The following PLEKHD1 variants were observed in gnomAD, a reference collection of about 807,000 sequenced individuals.
PLEKHD1 encodes pleckstrin homology and coiled-coil domain containing D1.
A neutral mutation model predicts 69.2 loss-of-function variants in PLEKHD1; 51 were observed. The ratio of observed to expected loss-of-function variants is 0.74; its 90% CI spans 0.59 to 0.93. The LOEUF (loss-of-function observed/expected upper bound fraction) is 0.93. PLEKHD1 is among the 40% of genes least tolerant of loss of function. The pLI is 0.00. For missense variants in PLEKHD1, 584 were observed against 641.0 expected, an observed-to-expected ratio of 0.91 and a Z score of 0.96; for synonymous variants, 236 against 244.7, an observed-to-expected ratio of 0.96 and a Z score of 0.33.
At chr14:69,501,302 A>C in intron 4 of PLEKHD1, 1 of 368,070 alleles carries the variant, frequency 2.7e-6, no homozygotes, top group Non-Finnish European at 5.0e-6. Flanking sequence ...GATCACAGAA[A>C]TCTCCTGCCA....
At chr14:69,512,391 A>G (rs1883289689) in intron 6 of PLEKHD1, among the ~76,000 whole-genome samples, 3 of 151,018 alleles carry the variant, frequency 2.0e-5, no homozygotes, top group Non-Finnish European at 3.0e-5. Flanking sequence ...AATTTCATTG[A>G]TTTCTGCTCT....
intron 6 of PLEKHD1, among the ~76,000 whole-genome samples, chr14:69,515,913 G>A (rs983900644): frequency 1.3e-5 from 2 of 152,180 alleles, no homozygotes; most frequent in African/African-American, 4.8e-5. Flanking sequence ...ATATTAATCT[G>A]CCTGTCTTTT....
chr14:69,482,777 T>C (rs1882564907), upstream of PLEKHD1, among the ~76,000 whole-genome samples: 1 of 151,810 alleles, frequency 6.6e-6, no homozygotes, highest in Admixed American at 6.6e-5. Flanking sequence ...CTAGCTTTCA[T>C]CTTAGAAAAG....
chr14:69,523,441 G>A (rs1232730673), intron 7 of PLEKHD1, among the ~76,000 whole-genome samples: 2 of 152,030 alleles, frequency 1.3e-5, no homozygotes, highest in African/African-American at 2.4e-5. Flanking sequence ...TTTGAGGAGG[G>A]AAAAACCCAG....
chr14:69,527,527 T>C (rs1883684032), intron 11 of PLEKHD1, among the ~76,000 whole-genome samples, 195 bp downstream of exon 11: 1 of 152,228 alleles, frequency 6.6e-6, no homozygotes, highest in South Asian at 2.1e-4. Context: ...GTTGGATCTG[T>C]GGTGAGAGGA....
the PLEKHD1 span, among the ~76,000 whole-genome samples, chr14:69,475,674 G>C: frequency 2.4e-4 from 37 of 152,132 alleles, no homozygotes; most frequent in African/African-American, 8.7e-4. Context: ...CCGCAAGTGA[G>C]GCTTCCCACA....
intron 6 of PLEKHD1, among the ~76,000 whole-genome samples, chr14:69,521,446 C>T (rs185133046): frequency 6.6e-6 from 1 of 152,094 alleles, no homozygotes; most frequent in Non-Finnish European, 1.5e-5. Context: ...GGGAACAAAG[C>T]CCCCAGGTGA....
chr14:69,514,692 G>A (rs1291258304), intron 6 of PLEKHD1, among the ~76,000 whole-genome samples: 1 of 152,070 alleles, frequency 6.6e-6, no homozygotes, highest in African/African-American at 2.4e-5. Flanking sequence ...AAAAGGAGTT[G>A]TGGTGAATAG....
chr14:69,476,807 A>G, the PLEKHD1 span, among the ~76,000 whole-genome samples: 931 of 152,210 alleles, frequency 6.1e-3, 13 homozygotes, highest in African/African-American at 0.022. Context: ...GGGTATTTGT[A>G]TTAGTCTGTT....
chr14:69,528,625 T>G lies in PLEKHD1; in HGVS notation c.*206T>G. On this transcript the variant is annotated 3_prime_UTR_variant, in exon 13 of 13. Coordinates refer to ENST00000322564, the MANE Select transcript of PLEKHD1 (RefSeq NM_001161498.2). ...CTCATCCTCACCCCACACCCCACCT[T>G]TGGGTCCACACCAGGGCCATGCAGG... 1 of 686,618 alleles carries G rather than the reference T, an allele frequency of 1.5e-6. No individual in the cohort carries two copies. The highest frequency in any genetic ancestry group is 2.4e-6 in the Non-Finnish European group (1 of 419,446). 42.5% of individuals were successfully genotyped at this position (686,618 alleles called of 1,614,324 possible).
intron 6 of PLEKHD1, among the ~76,000 whole-genome samples, chr14:69,507,131 C>G (rs1466604875): frequency 2.6e-5 from 4 of 152,074 alleles, no homozygotes; most frequent in Non-Finnish European, 4.4e-5. Flanking sequence ...ACCTCATGAT[C>G]CCCCCTCCTC....
At chr14:69,527,977 AG>A in intron 12 of PLEKHD1, 45 bp downstream of exon 12, 1 of 1,549,834 alleles carries the variant, frequency 6.5e-7, no homozygotes, top group Non-Finnish European at 8.7e-7. Flanking sequence ...GTGACAAGGC[AG>A]GAAGAGGGCA....
chr14:69,471,337 C>T, the PLEKHD1 span, among the ~76,000 whole-genome samples: 2 of 151,842 alleles, frequency 1.3e-5, no homozygotes, highest in South Asian at 4.2e-4. Flanking sequence ...TCTCAAACTC[C>T]TGGGCTCAAG....
chr14:69,524,748 A>G (rs1462265372), intron 8 of PLEKHD1, among the ~76,000 whole-genome samples: 1 of 152,074 alleles, frequency 6.6e-6, no homozygotes, highest in African/African-American at 2.4e-5. Context: ...CTGATACCAC[A>G]GAAACTGGGA....
chr14:69,485,132 C>T lies in PLEKHD1; in HGVS notation c.149+18C>T. On this transcript the variant is annotated intron_variant, in intron 1 of 12. Transcript: ENST00000322564. ...TCCCGGCGGTGAGTGCGCCCCCGCGCCCCAAGGAGACCGCCGGGGAGAGAG... is the reference window on the plus strand; with the variant it reads ...TCCCGGCGGTGAGTGCGCCCCCGCGTCCCAAGGAGACCGCCGGGGAGAGAG... The T allele has an allele frequency of 1.3e-6, 2 of 1,544,770 alleles. No homozygotes were observed. The highest frequency in any genetic ancestry group is 2.0e-5 in the Admixed American group (1 of 50,842).
rs915698232 is a variant in PLEKHD1 at position 69,522,316 on chromosome 14, G to T, written c.589G>T (p.Glu197Ter). The T allele has an allele frequency of 6.4e-7, 1 of 1,551,592 alleles. No individual in the cohort carries two copies. Among genetic ancestry groups the T allele is most frequent in the Admixed American group, 2.0e-5 (1 of 51,006 alleles). Reference protein sequence around the residue: ...LERLNQVLEAEKQQFEEVVQE... With the variant: ...LERLNQVLEA ...GCGCCTTAACCAGGTGCTGGAGGCCGAGAAGCAGCAGTTCGAGGAGGTGGT... is the reference window on the plus strand; with the variant it reads ...GCGCCTTAACCAGGTGCTGGAGGCCTAGAAGCAGCAGTTCGAGGAGGTGGT... The change falls in exon 7 of 13, where the codon GAG (glutamate) becomes TAG (stop). Residue 197 changes from glutamate to a stop codon, truncating the protein, a stop_gained. Coordinates refer to ENST00000322564, the MANE Select transcript of PLEKHD1 (RefSeq NM_001161498.2). LOFTEE classifies it high-confidence loss of function.
the PLEKHD1 span, among the ~76,000 whole-genome samples, chr14:69,474,542 C>T: frequency 4.6e-5 from 7 of 152,216 alleles, no homozygotes; most frequent in African/African-American, 1.2e-4. Context: ...GTCAAACCAA[C>T]GTATAGCCTC....
At chr14:69,520,527 G>A (rs972293542) in intron 6 of PLEKHD1, among the ~76,000 whole-genome samples, 6 of 151,950 alleles carry the variant, frequency 3.9e-5, no homozygotes, top group East Asian at 1.9e-4. Context: ...TCAGGAGTTC[G>A]AGACCAGCCT....
chr14:69,508,062 T>A (rs1594983694), intron 6 of PLEKHD1, among the ~76,000 whole-genome samples: 1 of 152,256 alleles, frequency 6.6e-6, no homozygotes, highest in African/African-American at 2.4e-5. Context: ...TACCTAATCA[T>A]ATATGATGTT....
Sources: allele counts gnomAD v4.1 joint callset (sites outside exome capture counted in the v4.1 genomes callset), GRCh38; gene constraint gnomAD v4.1.1; transcripts MANE v1.5; gene names NCBI Gene and HGNC (gene_info 2026-07-23, HGNC 2026-07-21).